The following OTOGL variants were observed in gnomAD, a reference collection of about 807,000 sequenced individuals.
OTOGL encodes the protein otogelin-like protein.
Under a neutral mutation model 318.5 loss-of-function variants are expected in OTOGL, and 285 were observed. The ratio of observed to expected loss-of-function variants is 0.89; its 90% confidence interval spans 0.81 to 0.99. The LOEUF is 0.99. OTOGL is among the 50% of genes least tolerant of loss of function. OTOGL has a pLI of 0.00. For synonymous variants in OTOGL, 987 were observed against 936.5 expected (o/e 1.05, Z -0.99); for missense variants, 2,899 against 2,845.6 (o/e 1.02, Z -0.43).
chr12:80,360,764 G>A (rs957076600), intron 52 of OTOGL, among the ~76,000 whole-genome samples: 3 of 151,964 alleles, frequency 2.0e-5, no homozygotes, highest in Non-Finnish European at 1.5e-5. Flanking sequence ...ACAGGTGTGA[G>A]CCACCGCGCC....
In OTOGL at chr12:80,267,276, G is replaced by GGGCATTATAGGGCATTATA; in HGVS notation, c.2416_2417insCATTATAGGGCATTATAGG (p.Gly806AlafsTer3). The GGGCATTATAGGGCATTATA allele has an allele frequency of 6.4e-7, 1 of 1,562,062 alleles. No individual in the cohort carries two copies. The highest frequency in any genetic ancestry group is 8.8e-7 in the Non-Finnish European group (1 of 1,142,322). On this transcript the variant is annotated stop_gained and frameshift_variant, in exon 22 of 59. Coordinates refer to ENST00000547103, the MANE Select transcript of OTOGL (RefSeq NM_001378609.3). LOFTEE classifies it high-confidence loss of function. ...AGATTCCACTGCCGTTGTCATTATA[G>GGGCATTATAGGGCATTATA]GGGCAGTGTTTATCAACCTGGAGAG... is the stretch of plus-strand genomic sequence containing the variant.
At chr12:80,123,018 C>T (rs1464452348) in intron 1 of OTOGL, among the ~76,000 whole-genome samples, 3 of 151,268 alleles carry the variant, frequency 2.0e-5, no homozygotes, top group South Asian at 2.1e-4. Flanking sequence ...TTTTCCTTCA[C>T]CTGGTGATTT....
chr12:80,249,790 C>G (rs940504810), intron 11 of OTOGL, among the ~76,000 whole-genome samples: 5 of 152,134 alleles, frequency 3.3e-5, no homozygotes, highest in Admixed American at 6.5e-5. Flanking sequence ...AGTTTGATCT[C>G]AGACTGCTGT....
chr12:80,102,552 A>G (rs982276794), intron 1 of OTOGL, among the ~76,000 whole-genome samples: 1 of 151,984 alleles, frequency 6.6e-6, no homozygotes, highest in Non-Finnish European at 1.5e-5. Context: ...CTACATCTCC[A>G]CTGTCACCCC....
Position 80,380,130 on chromosome 12 carries a change from T to C in OTOGL, c.*2082T>C, listed in dbSNP as rs1350104650. 1 of 151,784 alleles carries C rather than the reference T, an allele frequency of 6.6e-6. No individual in the cohort carries two copies. Among genetic ancestry groups the C allele is most frequent in the African/African-American group, 2.4e-5 (1 of 41,368 alleles). 9.4% of individuals were successfully genotyped at this position (151,784 alleles called of 1,614,324 possible). A position where few individuals can be genotyped will look rare whatever the true frequency, so the allele number is the denominator to read the frequency against. ...TACATCCATTGACATTAGGATAACC[T>C]CCAAATGAATCAGAGATTTAAATGT... is the stretch of plus-strand genomic sequence containing the variant. On this transcript the variant is annotated 3_prime_UTR_variant, in exon 59 of 59. Coordinates refer to ENST00000547103, the MANE Select transcript of OTOGL (RefSeq NM_001378609.3).
chr12:80,324,883 A>G (rs1035447087), intron 35 of OTOGL, among the ~76,000 whole-genome samples: 4 of 152,316 alleles, frequency 2.6e-5, no homozygotes, highest in Middle Eastern at 6.8e-3. Context: ...GCATTTAATG[A>G]GATAAGGAAG....
chr12:80,264,744 G>A (rs1882808518), intron 19 of OTOGL, among the ~76,000 whole-genome samples: 1 of 152,054 alleles, frequency 6.6e-6, no homozygotes, highest in Non-Finnish European at 1.5e-5. Context: ...TGAGGCCACT[G>A]CTTCTCTCAA....
intron 1 of OTOGL, among the ~76,000 whole-genome samples, chr12:80,101,926 AT>A (rs1425543712): frequency 1.3e-5 from 2 of 152,200 alleles, no homozygotes; most frequent in African/African-American, 4.8e-5. Context: ...TCCATTTCAC[AT>A]TTTTTATTCC....
intron 57 of OTOGL, among the ~76,000 whole-genome samples, chr12:80,376,079 G>A (rs530141175): frequency 6.6e-6 from 1 of 152,020 alleles, no homozygotes; most frequent in Admixed American, 6.6e-5. Flanking sequence ...AAAAAAAGAG[G>A]ACAGAGTGAT....
At position 80,329,047 on chromosome 12, in the gene OTOGL, G is replaced by A. The variant is rs370211996; in HGVS notation, c.4280-4G>A. 1.8e-5 allele frequency: 28 copies of A among 1,587,478 alleles called. 1 individual carries two copies. In the South Asian group the frequency reaches 2.5e-4, roughly 14 times the overall value. On this transcript the variant is annotated splice_polypyrimidine_tract_variant and splice_region_variant and intron_variant, in intron 36 of 58. Transcript: ENST00000547103. The stretch of plus-strand genomic sequence containing the variant: ...TTATAAAGAGCACCTTTGTTTCTTT[G>A]TAGGTATACCTGTGATTCCCACAGA...
chr12:80,342,260 G>A, intron 44 of OTOGL, 98 bp downstream of exon 44: 1 of 920,380 alleles, frequency 1.1e-6, no homozygotes, highest in South Asian at 1.8e-5. Flanking sequence ...CTTCTACTGA[G>A]AACAAAACCC....
intron 42 of OTOGL, among the ~76,000 whole-genome samples, chr12:80,337,246 G>A (rs556210860): frequency 6.6e-6 from 1 of 152,046 alleles, no homozygotes; most frequent in South Asian, 2.1e-4. Context: ...AAATACACTA[G>A]CGACCTCTGA....
Position 80,310,615 on chromosome 12 carries a change from A to C in OTOGL, c.3338A>C (p.Glu1113Ala), listed in dbSNP as rs535076862. Residue 1113 changes from glutamate to alanine, a missense_variant, in exon 30 of 59, where the codon GAA (glutamate) becomes GCA (alanine). Glu to Ala is a moderately radical substitution (Grantham distance 107). Around this residue, in one of 3 missense-constraint regions of OTOGL, gnomAD observed 2,607 missense variants for 2,524.9 expected, o/e 1.03. Transcript: ENST00000547103. ...FGDSWALGQCESPDETIKPCE... is the reference protein window; with the variant it reads ...FGDSWALGQCASPDETIKPCE... ...TCTCTTAAATTTTTTCAACAGTGTG[A>C]AAGTCCAGATGAAACAATTAAACCC... 6.6e-5 allele frequency: 105 copies of C among 1,581,292 alleles called. No homozygotes were observed. The South Asian group carries it at 1.1e-3, about 17-fold the overall frequency.
intron 1 of OTOGL, among the ~76,000 whole-genome samples, chr12:80,174,363 T>A (rs1874395180): frequency 6.6e-6 from 1 of 152,198 alleles, no homozygotes; most frequent in South Asian, 2.1e-4. Context: ...CTCGCCAGTC[T>A]CCCATTTTTA....
chr12:80,232,984 G>A lies in OTOGL; in HGVS notation c.704G>A (p.Trp235Ter). The change falls in exon 9 of 59, where the codon TGG (tryptophan) becomes TAG (stop). Residue 235 changes from tryptophan (W) to a stop codon, truncating the protein, a stop_gained. Transcript: ENST00000547103. LOFTEE classifies it high-confidence loss of function. ...VKTTFGFSLA[W>*]DGISGIYLKL... ...ACAACCTTTGGCTTTTCATTGGCTT[G>A]GGACGGGATATCTGGGATCTACCTC... 1 of 1,598,710 alleles carries A rather than the reference G, an allele frequency of 6.3e-7. No individual in the cohort carries two copies. Among genetic ancestry groups the A allele is most frequent in the Non-Finnish European group, 8.5e-7 (1 of 1,179,200 alleles).
intron 40 of OTOGL, 26 bp from the exon 41 acceptor site, chr12:80,336,771 A>G (rs1177643692): frequency 2.7e-6 from 4 of 1,495,360 alleles, no homozygotes; most frequent in Non-Finnish European, 3.6e-6. Context: ...TAATGCATTT[A>G]AAAGTATTTC....
rs369467348 is a variant in OTOGL, at chr12:80,368,391, C to CCT, written c.6615+82_6615+83insCT. 189 of 875,614 alleles carry CCT rather than the reference C, an allele frequency of 2.2e-4. No individual in the cohort carries two copies. The African/African-American group carries it at 2.7e-3, about 13-fold the overall frequency. The allele number at this position is 875,614 out of a possible 1,614,324, so 54.2% of individuals were successfully genotyped here. A position where few individuals can be genotyped will look rare whatever the true frequency, so the allele number is the denominator to read the frequency against. On this transcript the variant is annotated intron_variant, in intron 55 of 58. Transcript: ENST00000547103. Reference sequence around the variant, plus strand: ...TCAAAGTTTGGAAAATGTCCCCCCCCACACACACTGCACTGCATACAATAA... The same window carrying CCT: ...TCAAAGTTTGGAAAATGTCCCCCCCCCTACACACACTGCACTGCATACAATAA...
intron 34 of OTOGL, among the ~76,000 whole-genome samples, chr12:80,322,157 A>G (rs1452431270): frequency 1.3e-5 from 2 of 152,284 alleles, no homozygotes; most frequent in East Asian, 3.9e-4. Context: ...GAGAGAAAGC[A>G]AGGAGAACCA....
intron 11 of OTOGL, among the ~76,000 whole-genome samples, chr12:80,248,313 T>G (rs1458674029): frequency 1.4e-5 from 2 of 147,368 alleles, no homozygotes; most frequent in Admixed American, 1.3e-4. Context: ...CAGTTGTTCC[T>G]TTCCATGTTT....
Sources: allele counts gnomAD v4.1 joint callset (sites outside exome capture counted in the v4.1 genomes callset), GRCh38; gene constraint gnomAD v4.1.1; regional missense constraint gnomAD v4.1.1; transcripts MANE v1.5; gene names NCBI Gene and HGNC (gene_info 2026-07-23, HGNC 2026-07-21).